NETO2: variants seen among roughly 807,000 people sequenced by gnomAD.
NETO2 encodes neuropilin and tolloid like 2, also known as neuropilin and tolloid-like protein 2.
Under a neutral mutation model 62.5 loss-of-function variants are expected in NETO2, and 28 were observed. That is an observed-to-expected ratio of 0.45 (90% CI 0.33 to 0.61). The LOEUF (loss-of-function observed/expected upper bound fraction) is 0.61. Among genes scored for constraint, NETO2 ranks in the 20% least tolerant of loss-of-function variants. The probability of loss-of-function intolerance (pLI) is 0.02; values close to 1 mark genes in which losing one functional copy is unlikely to be tolerated. For synonymous variants in NETO2, 214 were observed against 219.1 expected, an observed-to-expected ratio of 0.98 and a Z score of 0.21; for missense variants, 548 against 643.2, an observed-to-expected ratio of 0.85 and a Z score of 1.60.
intron 8 of NETO2, among the ~76,000 whole-genome samples, chr16:47,084,961 C>T (rs1963153337): frequency 6.6e-6 from 1 of 152,144 alleles, no homozygotes; most frequent in Non-Finnish European, 1.5e-5. Flanking sequence ...AACCAACCCC[C>T]CTGCCCCACC....
chr16:47,109,437 G>A lies in NETO2; in HGVS notation c.883+46C>T, dbSNP rs1317605691. Reference sequence around the variant, plus strand: ...AATGCTGAGTGTACTGTGAATGAGTGAAAAATATGTAAAAGATCTCAATAC... The same window carrying A: ...AATGCTGAGTGTACTGTGAATGAGTAAAAAATATGTAAAAGATCTCAATAC... On this transcript the variant is annotated intron_variant, in intron 7 of 8. Coordinates refer to ENST00000562435, the MANE Select transcript of NETO2 (RefSeq NM_018092.5). 4 of 1,447,122 alleles carry A rather than the reference G, an allele frequency of 2.8e-6. No individual in the cohort carries two copies. The African/African-American group carries it at 4.2e-5, about 15-fold the overall frequency. The allele number at this position is 1,447,122 out of a possible 1,614,324, so 89.6% of individuals were successfully genotyped here.
intron 2 of NETO2, among the ~76,000 whole-genome samples, chr16:47,129,752 T>C (rs1964227930): frequency 6.6e-6 from 1 of 152,178 alleles, no homozygotes; most frequent in African/African-American, 2.4e-5. Flanking sequence ...TAAAAGATGA[T>C]TCAAAGGTTA....
chr16:47,117,703 GTTTA>G (rs1963951132), intron 6 of NETO2, among the ~76,000 whole-genome samples: 1 of 152,082 alleles, frequency 6.6e-6, no homozygotes, highest in African/African-American at 2.4e-5. Flanking sequence ...TAAAAAATTA[GTTTA>G]TTTCTCTGCT....
intron 4 of NETO2, among the ~76,000 whole-genome samples, chr16:47,125,001 G>C (rs1033921959): frequency 6.6e-6 from 1 of 150,696 alleles, no homozygotes; most frequent in Non-Finnish European, 1.5e-5. Flanking sequence ...AGAGCTACTT[G>C]ACTCCAAAGT....
rs565313857 is a variant in NETO2 at position 47,078,996 on chromosome 16, G to A, written c.*4225C>T. The A allele has an allele frequency of 6.6e-6, 1 of 152,356 alleles. No individual in the cohort carries two copies. The highest frequency in any genetic ancestry group is 2.1e-4 in the South Asian group (1 of 4,830). The allele number at this position is 152,356 out of a possible 1,614,324, so 9.4% of individuals were successfully genotyped here. On this transcript the variant is annotated 3_prime_UTR_variant, in exon 9 of 9. Coordinates refer to ENST00000562435, the MANE Select transcript of NETO2 (RefSeq NM_018092.5). ...AAGTGCTTGACTTTTAAAACGTACA[G>A]CTGGGCTGGGCGCCTTGGCTCACTC...
At chr16:47,089,718 TTACAAAATTAGC>T (rs1001361665) in intron 7 of NETO2, among the ~76,000 whole-genome samples, 6 of 152,164 alleles carry the variant, frequency 3.9e-5, no homozygotes, top group East Asian at 1.9e-4. Flanking sequence ...TTTATTCACT[TTACAAAATTAGC>T]TACAAAATTA....
intron 4 of NETO2, among the ~76,000 whole-genome samples, chr16:47,123,630 T>A (rs928937835): frequency 1.3e-5 from 2 of 152,230 alleles, no homozygotes; most frequent in Non-Finnish European, 2.9e-5. Context: ...CCTGTGTATA[T>A]ACCTAACAGC....
chr16:47,137,787 CT>C (rs1349018083), intron 1 of NETO2, among the ~76,000 whole-genome samples: 1 of 152,204 alleles, frequency 6.6e-6, no homozygotes, highest in Non-Finnish European at 1.5e-5. Flanking sequence ...ATTTTGCACA[CT>C]TCTATGTTAG....
chr16:47,094,554 TAGCTGGGACTACAGGCGC>T (rs1407440518), intron 7 of NETO2, among the ~76,000 whole-genome samples: 1 of 150,606 alleles, frequency 6.6e-6, no homozygotes, highest in African/African-American at 2.5e-5. Context: ...GCCTATCGAG[TAGCTGGGACTACAGGCGC>T]CCGCCACCAT....
Position 47,109,677 on chromosome 16 carries a change from TGCTCCATTTGATA to T in NETO2, c.676_688del (p.Tyr226ThrfsTer22), listed in dbSNP as rs1235431784. ...GAAGTTTCTCTTGCATTCATTTGAG[TGCTCCATTTGATA>T]ATCTAGGAACCTCAAATAAATCTGT... On this transcript the variant is annotated frameshift_variant, in exon 7 of 9. Coordinates refer to ENST00000562435, the MANE Select transcript of NETO2 (RefSeq NM_018092.5). LOFTEE classifies it high-confidence loss of function. 1 of 1,613,770 alleles carries T rather than the reference TGCTCCATTTGATA, an allele frequency of 6.2e-7. No homozygotes were observed. Among genetic ancestry groups the T allele is most frequent in the Non-Finnish European group, 8.5e-7 (1 of 1,179,630 alleles).
chr16:47,123,951 C>G (rs959510175), intron 4 of NETO2, among the ~76,000 whole-genome samples: 1 of 152,188 alleles, frequency 6.6e-6, no homozygotes, highest in Non-Finnish European at 1.5e-5. Flanking sequence ...CCTGCCTCGG[C>G]CTTCCAAAGT....
At chr16:47,130,599 AAAG>A (rs1964246679) in intron 2 of NETO2, among the ~76,000 whole-genome samples, 1 of 152,128 alleles carries the variant, frequency 6.6e-6, no homozygotes, top group African/African-American at 2.4e-5. Context: ...AGACAAAAAC[AAAG>A]ATACTGTACA....
intron 3 of NETO2, among the ~76,000 whole-genome samples, chr16:47,128,914 G>A (rs1039603655): frequency 4.6e-5 from 7 of 152,162 alleles, no homozygotes; most frequent in African/African-American, 1.7e-4. Flanking sequence ...ACTCACTTAT[G>A]TGGACATAAA....
chr16:47,086,121 AAGC>A (rs1963184541), intron 8 of NETO2, 102 bp downstream of exon 8: 1 of 756,456 alleles, frequency 1.3e-6, no homozygotes, highest in Non-Finnish European at 2.3e-6. Flanking sequence ...AACAAACAAA[AAGC>A]AGCTATGCTA....
intron 7 of NETO2, among the ~76,000 whole-genome samples, chr16:47,101,944 G>A (rs113761168): frequency 3.3e-5 from 5 of 151,808 alleles, no homozygotes; most frequent in African/African-American, 4.8e-5. Context: ...TTTAAATTTC[G>A]TAGGAACCAA....
At chr16:47,140,574 G>C (rs1313669835) in intron 1 of NETO2, among the ~76,000 whole-genome samples, 1 of 152,176 alleles carries the variant, frequency 6.6e-6, no homozygotes, top group Admixed American at 6.5e-5. Context: ...CCAGATTGCA[G>C]TTGAGGATTT....
At chr16:47,109,746 A>G (rs754482858) in intron 6 of NETO2, 35 bp from the exon 7 acceptor site, 97 of 1,419,136 alleles carry the variant, frequency 6.8e-5, no homozygotes, top group Non-Finnish European at 9.3e-5. Context: ...GCTTTTAAAA[A>G]GATATATTAA....
chr16:47,126,078 T>C (rs1289860834), intron 4 of NETO2, among the ~76,000 whole-genome samples: 4 of 152,220 alleles, frequency 2.6e-5, no homozygotes, highest in African/African-American at 9.6e-5. Flanking sequence ...AATGGAGTCA[T>C]ATTTGTGCTT....
chr16:47,102,593 A>AG (rs1963577581), intron 7 of NETO2, among the ~76,000 whole-genome samples: 1 of 124,526 alleles, frequency 8.0e-6, no homozygotes, highest in Non-Finnish European at 1.8e-5. Flanking sequence ...AATTTACAAG[A>AG]AAAAAAAAAA....
Sources: allele counts gnomAD v4.1 joint callset (sites outside exome capture counted in the v4.1 genomes callset), GRCh38; gene constraint gnomAD v4.1.1; transcripts MANE v1.5; gene names NCBI Gene and HGNC (gene_info 2026-07-23, HGNC 2026-07-21).